Variants in PLAGL1 observed in about 807,000 individuals in gnomAD.
PLAGL1 encodes PLAG1 like zinc finger 1.
Under a neutral mutation model 4.6 loss-of-function variants are expected in PLAGL1, and 1 was observed. The ratio of observed to expected loss-of-function variants is 0.22; its 90% CI spans 0.08 to 1.03. PLAGL1 has a LOEUF of 1.03. Ranked by LOEUF, PLAGL1 falls within the 50% of genes least tolerant of loss-of-function variation. The pLI is 0.58. For synonymous variants in PLAGL1, 240 were observed against 237.8 expected, an observed-to-expected ratio of 1.01 and a Z score of -0.08; for missense variants, 464 against 570.4, an observed-to-expected ratio of 0.81 and a Z score of 1.90.
At position 143,961,706 on chromosome 6, in the gene PLAGL1, T is replaced by C. The variant is rs550147197; in HGVS notation, c.-398-1164A>G. ...CTCAACATTTATTGTGCTGGTTTAA[T>C]TGGGTGGTCTCCAAAGGCTTGTATA... On this transcript the variant is annotated intron_variant, in intron 5 of 7. Transcript: ENST00000674357. This position sits in a 1 kb window ranked among gnomAD's most constrained non-coding sequence, Gnocchi z 6.5. Among the ~76,000 whole-genome samples the C allele has an allele frequency of 1.1e-3, 168 of 152,338 alleles. No homozygotes were observed. Among genetic ancestry groups the C allele is most frequent in the Non-Finnish European group, 1.6e-3 (110 of 68,032 alleles).
chr6:143,998,087 T>G (rs1792058466), intron 1 of PLAGL1, among the ~76,000 whole-genome samples: 1 of 152,232 alleles, frequency 6.6e-6, no homozygotes, highest in South Asian at 2.1e-4. Flanking sequence ...GGCTAAACTT[T>G]ACAGTTTTTC....
At chr6:143,986,664 G>C (rs1789242089) in intron 1 of PLAGL1, among the ~76,000 whole-genome samples, 1 of 152,174 alleles carries the variant, frequency 6.6e-6, no homozygotes, top group African/African-American at 2.4e-5. Context: ...CAAACTTTCT[G>C]TAGGTTTATT....
chr6:144,019,946 C>A (rs1312345715), intron 1 of PLAGL1, among the ~76,000 whole-genome samples: 1 of 152,130 alleles, frequency 6.6e-6, no homozygotes, highest in African/African-American at 2.4e-5. Flanking sequence ...AGAAATCCAG[C>A]TGAATATTTG....
chr6:144,046,175 C>T (rs1798129284), intron 1 of PLAGL1, among the ~76,000 whole-genome samples: 1 of 152,176 alleles, frequency 6.6e-6, no homozygotes, highest in Non-Finnish European at 1.5e-5. Context: ...TCTTCTGAAG[C>T]CTACTTCTGT....
At chr6:144,046,751 CA>C (rs1798182990) in intron 1 of PLAGL1, among the ~76,000 whole-genome samples, 1 of 152,234 alleles carries the variant, frequency 6.6e-6, no homozygotes, top group African/African-American at 2.4e-5. Context: ...TTTAAGTCTG[CA>C]GATGTTTCTG....
At position 144,005,535 on chromosome 6, in the gene PLAGL1, T is replaced by C. The variant is rs558523893; in HGVS notation, c.-584+2555A>G. On this transcript the variant is annotated intron_variant, in intron 1 of 7. Coordinates refer to ENST00000674357, the MANE Select transcript of PLAGL1 (RefSeq NM_001317162.2). The surrounding 1 kb of genome is among the most constrained non-coding windows in gnomAD (Gnocchi z 4.6). Reference sequence around the variant, plus strand: ...CATAAAATATATACATCTCAATATATACATGTCTCAGGTAAATTAAAGAAC... The same window carrying C: ...CATAAAATATATACATCTCAATATACACATGTCTCAGGTAAATTAAAGAAC... 2 of 152,126 alleles carry C rather than the reference T, an allele frequency of 1.3e-5. No individual in the cohort carries two copies. The highest frequency in any genetic ancestry group is 2.9e-5 in the Non-Finnish European group (2 of 67,996). 9.4% of individuals were successfully genotyped at this position (152,126 alleles called of 1,614,324 possible). A position where few individuals can be genotyped will look rare whatever the true frequency, so the allele number is the denominator to read the frequency against.
rs376161560 is a variant in PLAGL1, at chr6:143,975,173, C to CTGGTACATTCCCATGT, written c.-543-6196_-543-6195insACATGGGAATGTACCA. On this transcript the variant is annotated intron_variant, in intron 2 of 7. Transcript: ENST00000674357. This position sits in a 1 kb window ranked among gnomAD's most constrained non-coding sequence, Gnocchi z 5.8. ...TTTGAGTCTCATGCTGTTTCCATTACACCAGCTACCATGTACTGGGGATAT... is the reference window on the plus strand; with the variant it reads ...TTTGAGTCTCATGCTGTTTCCATTACTGGTACATTCCCATGTACCAGCTACCATGTACTGGGGATAT... Among the ~76,000 whole-genome samples, 20 of 152,146 alleles carry CTGGTACATTCCCATGT rather than the reference C, an allele frequency of 1.3e-4. No homozygotes were observed. The highest frequency in any genetic ancestry group is 2.2e-4 in the Non-Finnish European group (15 of 68,020).
chr6:144,002,731 G>C (rs1222430729), intron 1 of PLAGL1, among the ~76,000 whole-genome samples: 1 of 152,036 alleles, frequency 6.6e-6, no homozygotes, highest in Non-Finnish European at 1.5e-5. Flanking sequence ...TGAACAATGT[G>C]TAAGTCCTCT....
rs998542364 is a variant in PLAGL1 at position 144,022,387 on chromosome 6, A to G, written c.-151+42081T>C. The stretch of plus-strand genomic sequence containing the variant: ...AAATTTGTTTTTAAAAGTTGACAAT[A>G]CAAAATGTTAACAAGGATGCAGAGC... On this transcript the variant is annotated intron_variant, in intron 1 of 3. Transcript: ENST00000437412. This position sits in a 1 kb window ranked among gnomAD's most constrained non-coding sequence, Gnocchi z 4.2. Among the ~76,000 whole-genome samples, 14 of 152,264 alleles carry G rather than the reference A, an allele frequency of 9.2e-5. No individual in the cohort carries two copies. The highest frequency in any genetic ancestry group is 2.4e-4 in the African/African-American group (10 of 41,468).
intron 1 of PLAGL1, among the ~76,000 whole-genome samples, chr6:144,049,117 T>C (rs1353976917): frequency 1.3e-5 from 2 of 152,258 alleles, no homozygotes; most frequent in African/African-American, 2.4e-5. Context: ...TGCTAAAGCA[T>C]AGCAAATGTG....
chr6:143,946,816 G>T (rs1779900496), intron 7 of PLAGL1, among the ~76,000 whole-genome samples: 1 of 152,174 alleles, frequency 6.6e-6, no homozygotes, highest in Admixed American at 6.5e-5. Context: ...AAGGGCAAAT[G>T]GTGCATTTCC....
At chr6:143,967,981 C>CATCA (rs1377200004) in intron 3 of PLAGL1, 2 of 110,398 alleles carry the variant, frequency 1.8e-5, no homozygotes, top group Admixed American at 2.2e-4. Context: ...CCATTATGAC[C>CATCA]ATCAAGGACA....
In PLAGL1 at chr6:144,058,483, T is replaced by G. The variant is rs192912142; in HGVS notation, c.-151+5985A>C. Among the ~76,000 whole-genome samples the G allele has an allele frequency of 8.0e-4, 122 of 152,286 alleles. 1 individual carries two copies. Among genetic ancestry groups the G allele is most frequent in the Admixed American group, 7.4e-3 (113 of 15,298 alleles). ...CTCATGTCCTTCTCACATTACAAAG[T>G]GCAATCATCCCTTCTCAACAGTCCA... On this transcript the variant is annotated intron_variant, in intron 1 of 3. Transcript: ENST00000437412.
At chr6:144,042,355 G>A (rs1797809575) in intron 1 of PLAGL1, among the ~76,000 whole-genome samples, 1 of 152,270 alleles carries the variant, frequency 6.6e-6, no homozygotes, top group Non-Finnish European at 1.5e-5. Context: ...TTTGCATAAG[G>A]TGAAAGGAAG....
rs895702875 is a variant in PLAGL1, at chr6:144,063,739, G to C, written c.-151+729C>G. 6.6e-6 allele frequency among the ~76,000 whole-genome samples: 1 copy of C among 152,160 alleles called. No homozygotes were observed. Among genetic ancestry groups the C allele is most frequent in the Non-Finnish European group, 1.5e-5 (1 of 68,020 alleles). On this transcript the variant is annotated intron_variant, in intron 1 of 3. Coordinates refer to the PLAGL1 transcript ENST00000437412. This position sits in a 1 kb window ranked among gnomAD's most constrained non-coding sequence, Gnocchi z 5.7. ...GGTATCTCTGTCCTCGACACAGCAG[G>C]GGCCCTACAAACCCAACACGGCTGT...
chr6:144,032,846 C>T (rs912141929), intron 1 of PLAGL1, among the ~76,000 whole-genome samples: 1 of 152,146 alleles, frequency 6.6e-6, no homozygotes, highest in African/African-American at 2.4e-5. Flanking sequence ...CCCAGCCTAC[C>T]TAGTTCAATT....
At chr6:143,969,582 T>G (rs9376801) in intron 2 of PLAGL1, among the ~76,000 whole-genome samples, 2 of 151,202 alleles carry the variant, frequency 1.3e-5, no homozygotes, top group African/African-American at 2.4e-5. Context: ...GGCAGGAGTT[T>G]GAGACCAGCC....
At chr6:144,007,815 G>C (rs1794600226) in intron 1 of PLAGL1, 1 of 152,168 alleles carries the variant, frequency 6.6e-6, no homozygotes, top group South Asian at 2.1e-4. Flanking sequence ...TGTAAGAATC[G>C]GGTCTGTGGA....
chr6:143,948,463 G>A lies in PLAGL1; in HGVS notation c.-324-3C>T. On this transcript the variant is annotated splice_polypyrimidine_tract_variant and splice_region_variant and intron_variant, in intron 6 of 7. Coordinates refer to ENST00000674357, the MANE Select transcript of PLAGL1 (RefSeq NM_001317162.2). The surrounding 1 kb of genome is among the most constrained non-coding windows in gnomAD (Gnocchi z 6.0). ...ATGTCCTGGGTCCCCCGGATTGGCT[G>A]TGGAGAGAAGAGGAACAGTTTTCTT... 4.1e-6 allele frequency: 1 copy of A among 245,208 alleles called. No homozygotes were observed. Among genetic ancestry groups the A allele is most frequent in the Non-Finnish European group, 8.1e-6 (1 of 123,986 alleles). The allele number at this position is 245,208 out of a possible 1,614,324, so 15.2% of individuals were successfully genotyped here. A position where few individuals can be genotyped will look rare whatever the true frequency, so the allele number is the denominator to read the frequency against.
Sources: gnomAD v4.1 joint callset for allele counts (sites outside exome capture counted in the v4.1 genomes callset) on GRCh38, gnomAD v4.1.1 for gene constraint, Gnocchi (gnomAD v3.1) non-coding constraint, MANE v1.5 for transcripts, NCBI Gene and HGNC (gene_info 2026-07-23, HGNC 2026-07-21) for gene names.